Variants in ABLIM3 observed in about 807,000 individuals in gnomAD.
ABLIM3 encodes the protein actin binding LIM protein family member 3.
Under a neutral mutation model 109.5 loss-of-function variants are expected in ABLIM3, and 61 were observed. That is an observed-to-expected ratio of 0.56 (90% CI 0.45 to 0.69). The LOEUF (loss-of-function observed/expected upper bound fraction) is 0.69. Ranked by LOEUF, ABLIM3 falls within the 30% of genes least tolerant of loss-of-function variation. The pLI is 0.00. For synonymous variants in ABLIM3, 300 were observed against 324.8 expected, an observed-to-expected ratio of 0.92 and a Z score of 0.82; for missense variants, 796 against 889.5, an observed-to-expected ratio of 0.89 and a Z score of 1.34.
chr5:149,247,341 G>A (rs1301152945), intron 17 of ABLIM3, among the ~76,000 whole-genome samples: 1 of 152,192 alleles, frequency 6.6e-6, no homozygotes, highest in Non-Finnish European at 1.5e-5. Context: ...GATCTCCTTT[G>A]GGGGAAATAA....
chr5:149,253,404 C>G (rs998931288), intron 23 of ABLIM3, among the ~76,000 whole-genome samples: 1 of 152,332 alleles, frequency 6.6e-6, no homozygotes, highest in East Asian at 1.9e-4. Flanking sequence ...CTCACTGCAA[C>G]TTGGTTTTCT....
At position 149,251,344 on chromosome 5, in the gene ABLIM3, C is replaced by T. The variant is rs754006826; in HGVS notation, c.1789-15C>T. The T allele has an allele frequency of 2.5e-6, 4 of 1,613,886 alleles. No individual in the cohort carries two copies. The African/African-American group carries it at 4.0e-5, about 16-fold the overall frequency. On this transcript the variant is annotated splice_polypyrimidine_tract_variant and intron_variant, in intron 20 of 23. Coordinates refer to ENST00000309868, the MANE Select transcript of ABLIM3 (RefSeq NM_014945.5). ...AGCTTATCTCAGGCCAGCCGTGGTT[C>T]TGTCTCTTCTGCAGACACCCAGCGC...
chr5:149,246,403 C>A, intron 16 of ABLIM3, 79 bp from the exon 17 acceptor site: 5 of 1,368,010 alleles, frequency 3.7e-6, no homozygotes, highest in Non-Finnish European at 3.0e-6. Flanking sequence ...AGTGGCTTTT[C>A]TTTTTTAAAA....
intron 3 of ABLIM3, among the ~76,000 whole-genome samples, chr5:149,184,565 A>G (rs185730030): frequency 3.3e-4 from 50 of 152,230 alleles, no homozygotes; most frequent in Admixed American, 1.6e-3. Context: ...TTCCTCTTTG[A>G]TCCATTCTAG....
chr5:149,216,640 T>A, intron 7 of ABLIM3: 1 of 312,088 alleles, frequency 3.2e-6, no homozygotes, highest in Non-Finnish European at 6.0e-6. Context: ...TGGGATGTCC[T>A]CAAAGCAAGC....
intron 14 of ABLIM3, 84 bp from the exon 15 acceptor site, chr5:149,242,407 T>A (rs1421876395): frequency 3.6e-6 from 5 of 1,403,408 alleles, no homozygotes; most frequent in Non-Finnish European, 5.0e-6. Context: ...TGAGATCAAC[T>A]GACCAAGTAC....
intron 17 of ABLIM3, among the ~76,000 whole-genome samples, chr5:149,247,452 T>C (rs1311120454): frequency 1.3e-5 from 2 of 152,218 alleles, no homozygotes; most frequent in Admixed American, 6.5e-5. Flanking sequence ...TGAAGTTAAG[T>C]AATTTTCACC....
Position 149,200,381 on chromosome 5 carries a change from C to A in ABLIM3, c.401C>A (p.Ser134Tyr), listed in dbSNP as rs761953405. ...AAAGAATGTGTGTGCCAAACGTGCTCCCAGTCCATGGCCAGCAGTAAGCCC... is the reference window on the plus strand; with the variant it reads ...AAAGAATGTGTGTGCCAAACGTGCTACCAGTCCATGGCCAGCAGTAAGCCC... The part of the protein sequence containing the change: ...SGKECVCQTC[S>Y]QSMASSKPIK... Residue 134 changes from serine (S) to tyrosine (Y), a missense_variant, in exon 5 of 24, where the codon TCC becomes TAC. Physicochemically the swap from Ser to Tyr is moderately radical, Grantham distance 144. Transcript: ENST00000309868. The A allele has an allele frequency of 1.9e-6, 3 of 1,614,216 alleles. No individual in the cohort carries two copies. The Admixed American group carries it at 5.0e-5, about 27-fold the overall frequency.
chr5:149,181,376 G>A (rs910187470), intron 2 of ABLIM3, among the ~76,000 whole-genome samples: 4 of 152,094 alleles, frequency 2.6e-5, no homozygotes, highest in African/African-American at 4.8e-5. Flanking sequence ...AGCACTTAAC[G>A]CAGTTTTTGA....
chr5:149,149,262 T>C (rs1457051471), intron 2 of ABLIM3, among the ~76,000 whole-genome samples: 1 of 152,174 alleles, frequency 6.6e-6, no homozygotes, highest in Non-Finnish European at 1.5e-5. Context: ...ATGTATAAAA[T>C]ATGAGCAATA....
At chr5:149,182,312 C>T (rs1756538567) in intron 2 of ABLIM3, among the ~76,000 whole-genome samples, 1 of 152,176 alleles carries the variant, frequency 6.6e-6, no homozygotes. Context: ...CAAGAGTGAG[C>T]CTTCTCCTAA....
At chr5:149,175,511 A>G (rs887938483) in intron 2 of ABLIM3, among the ~76,000 whole-genome samples, 1 of 152,094 alleles carries the variant, frequency 6.6e-6, no homozygotes, top group Non-Finnish European at 1.5e-5. Flanking sequence ...AATCTTGGGG[A>G]AAGAAGTGAG....
At chr5:149,172,352 C>T (rs1384048200) in intron 2 of ABLIM3, among the ~76,000 whole-genome samples, 3 of 152,180 alleles carry the variant, frequency 2.0e-5, no homozygotes, top group Admixed American at 6.5e-5. Flanking sequence ...TGTACTGAGT[C>T]ATTATGCAAA....
chr5:149,242,250 G>A (rs567977061), intron 14 of ABLIM3, among the ~76,000 whole-genome samples: 130 of 152,176 alleles, frequency 8.5e-4, no homozygotes, highest in African/African-American at 3.0e-3. Context: ...TCTCTTCCTC[G>A]GCACCACTTG....
intron 16 of ABLIM3, among the ~76,000 whole-genome samples, chr5:149,245,976 A>G (rs1406461211): frequency 6.6e-6 from 1 of 152,162 alleles, no homozygotes; most frequent in Non-Finnish European, 1.5e-5. Context: ...CAGCCTGGAC[A>G]ACATAGCACT....
chr5:149,191,094 A>G (rs988776098), intron 3 of ABLIM3, among the ~76,000 whole-genome samples: 1 of 152,276 alleles, frequency 6.6e-6, no homozygotes, highest in East Asian at 1.9e-4. Flanking sequence ...AAATAATACA[A>G]TAGACATTAA....
At chr5:149,205,274 C>T (rs1312260220) in intron 5 of ABLIM3, among the ~76,000 whole-genome samples, 8 of 152,184 alleles carry the variant, frequency 5.3e-5, no homozygotes, top group Non-Finnish European at 2.9e-5. Context: ...TGGACTTCCT[C>T]ACCACCCCTT....
chr5:149,255,821 T>G (rs1218192552), intron 23 of ABLIM3, among the ~76,000 whole-genome samples: 2 of 152,162 alleles, frequency 1.3e-5, no homozygotes, highest in Non-Finnish European at 2.9e-5. Flanking sequence ...AACAGGTGCA[T>G]GAAAAGATCA....
chr5:149,163,010 G>A (rs4077368), intron 2 of ABLIM3, among the ~76,000 whole-genome samples: 82,406 of 152,132 alleles, frequency 0.54, 22,640 homozygotes, highest in Admixed American at 0.67. Flanking sequence ...TTCTCCTGCC[G>A]GAGGGGAGCA....
Sources: gnomAD v4.1 joint callset for allele counts (sites outside exome capture counted in the v4.1 genomes callset) on GRCh38, gnomAD v4.1.1 for gene constraint, MANE v1.5 for transcripts, NCBI Gene and HGNC (gene_info 2026-07-23, HGNC 2026-07-21) for gene names.